L3MBTL4: variants seen among roughly 807,000 people sequenced by gnomAD.
The protein encoded by L3MBTL4 is lethal(3)malignant brain tumor-like protein 4.
Under a neutral mutation model 84.5 loss-of-function variants are expected in L3MBTL4, and 70 were observed. That is an observed-to-expected ratio of 0.83 (90% CI 0.68 to 1.01). L3MBTL4 has a LOEUF of 1.01. L3MBTL4 is among the 50% of genes least tolerant of loss of function. L3MBTL4 has a pLI of 0.00. For missense variants in L3MBTL4, 715 were observed against 754.8 expected, an observed-to-expected ratio of 0.95 and a Z score of 0.62; for synonymous variants, 274 against 259.8, an observed-to-expected ratio of 1.05 and a Z score of -0.52.
chr18:6,000,123 T>C (rs1425073667), intron 16 of L3MBTL4, among the ~76,000 whole-genome samples: 1 of 151,524 alleles, frequency 6.6e-6, no homozygotes, highest in Non-Finnish European at 1.5e-5. Context: ...GAAAAAAAAA[T>C]GATATGGTGT....
At chr18:6,152,207 T>C (rs1321923458) in intron 13 of L3MBTL4, among the ~76,000 whole-genome samples, 1 of 152,208 alleles carries the variant, frequency 6.6e-6, no homozygotes, top group Non-Finnish European at 1.5e-5. Context: ...TACAGGTATC[T>C]CTTAGAGATA....
At chr18:6,031,716 G>A in intron 16 of L3MBTL4, 1 of 985,464 alleles carries the variant, frequency 1.0e-6, no homozygotes, top group Non-Finnish European at 1.2e-6. Context: ...GAATGGCAGA[G>A]GAACAAGAGA....
intron 1 of L3MBTL4, among the ~76,000 whole-genome samples, chr18:6,322,808 A>G (rs149487928): frequency 1.3e-5 from 2 of 152,150 alleles, no homozygotes; most frequent in Non-Finnish European, 2.9e-5. Flanking sequence ...GTTAGAAAGA[A>G]TAAGATCTAG....
At chr18:6,191,461 T>G (rs1048993047) in intron 12 of L3MBTL4, among the ~76,000 whole-genome samples, 1 of 151,854 alleles carries the variant, frequency 6.6e-6, no homozygotes, top group African/African-American at 2.4e-5. Flanking sequence ...ATGGAGGAGG[T>G]AGCAGTGGGA....
chr18:6,411,876 G>C (rs1054242143), intron 1 of L3MBTL4, among the ~76,000 whole-genome samples: 5 of 152,084 alleles, frequency 3.3e-5, no homozygotes, highest in African/African-American at 1.2e-4. Context: ...GATATGTTTA[G>C]TTTTTCACAA....
At chr18:6,191,638 T>C (rs1390437437) in intron 12 of L3MBTL4, among the ~76,000 whole-genome samples, 3 of 152,080 alleles carry the variant, frequency 2.0e-5, no homozygotes, top group South Asian at 4.1e-4. Flanking sequence ...ACAAAGAGAA[T>C]AAATACAGTT....
chr18:6,172,503 T>C (rs532775255), intron 12 of L3MBTL4, among the ~76,000 whole-genome samples: 1 of 152,196 alleles, frequency 6.6e-6, no homozygotes, highest in East Asian at 1.9e-4. Flanking sequence ...ATAGCTGCCA[T>C]AAGAGCTATT....
At chr18:6,089,126 A>C (rs2058354267) in intron 15 of L3MBTL4, among the ~76,000 whole-genome samples, 1 of 152,200 alleles carries the variant, frequency 6.6e-6, no homozygotes, top group African/African-American at 2.4e-5. Flanking sequence ...TGCCTGAAAA[A>C]AAAGTCCCCC....
In L3MBTL4 at chr18:5,956,261, G is replaced by A. The variant is rs760051712; in HGVS notation, c.1804C>T (p.Pro602Ser). 2.5e-6 allele frequency: 4 copies of A among 1,613,906 alleles called. No individual in the cohort carries two copies. The highest frequency in any genetic ancestry group is 4.5e-5 in the East Asian group (2 of 44,892). Reference sequence around the variant, plus strand: ...TGGCCTGAGGCAATATCTTCTTCAGGGAGTTCCTGGGAATGCCTGAACATC... The same window carrying A: ...TGGCCTGAGGCAATATCTTCTTCAGAGAGTTCCTGGGAATGCCTGAACATC... Reference protein sequence around the residue: ...ILMFRHSQELPEEDIASGQEV... With the variant: ...ILMFRHSQELSEEDIASGQEV... The change falls in exon 19 of 19, where the codon CCT (proline) becomes TCT (serine). Residue 602 changes from proline (P) to serine (S), a missense_variant. Coordinates refer to ENST00000317931, the MANE Select transcript of L3MBTL4 (RefSeq NM_001330559.2).
chr18:6,388,634 A>T (rs117068080), intron 1 of L3MBTL4, among the ~76,000 whole-genome samples: 180 of 152,348 alleles, frequency 1.2e-3, no homozygotes, highest in Non-Finnish European at 2.0e-3. Context: ...ACAGAAAGGC[A>T]AGCATACAAT....
At chr18:6,373,311 G>A (rs966914699) in intron 1 of L3MBTL4, among the ~76,000 whole-genome samples, 16 of 152,142 alleles carry the variant, frequency 1.1e-4, no homozygotes, top group African/African-American at 3.9e-4. Flanking sequence ...TTCCCAAAGG[G>A]CAGTCAAAAG....
At chr18:6,210,211 G>A (rs1418625709) in intron 12 of L3MBTL4, among the ~76,000 whole-genome samples, 3 of 152,198 alleles carry the variant, frequency 2.0e-5, no homozygotes, top group Admixed American at 2.0e-4. Context: ...GTGGCAGAAG[G>A]AAATGAAGTT....
Position 6,163,943 on chromosome 18 carries a change from G to T in L3MBTL4, c.1096+7885C>A, listed in dbSNP as rs576642052. Among the ~76,000 whole-genome samples, 8 of 152,288 alleles carry T rather than the reference G, an allele frequency of 5.3e-5. No individual in the cohort carries two copies. The East Asian group carries it at 1.5e-3, about 29-fold the overall frequency. The stretch of plus-strand genomic sequence containing the variant: ...TTCCCTTTCCTAGTCAAAGAAAAGG[G>T]TGACAGATGGCACCTGGAAAATCGG... On this transcript the variant is annotated intron_variant, in intron 13 of 18. Transcript: ENST00000317931.
intron 1 of L3MBTL4, among the ~76,000 whole-genome samples, chr18:6,386,918 G>C (rs1568589105): frequency 6.6e-6 from 1 of 152,128 alleles, no homozygotes; most frequent in Non-Finnish European, 1.5e-5. Flanking sequence ...CCTATGGAAG[G>C]CAAGGGTGGA....
At chr18:6,099,003 C>T (rs943009231) in intron 14 of L3MBTL4, among the ~76,000 whole-genome samples, 3 of 152,072 alleles carry the variant, frequency 2.0e-5, no homozygotes, top group African/African-American at 4.8e-5. Context: ...AGGGGCTCAG[C>T]GATGGAAATG....
In L3MBTL4 at chr18:6,045,458, ATTGGACTTACAG is replaced by A. The variant is rs796708961; in HGVS notation, c.1444+35411_1444+35422del. Reference sequence around the variant, plus strand: ...GGCAATTTACAAAAGAAAGAAGTTTATTGGACTTACAGTTCCACGTGGCTGGGGAGGCCTCAT... The same window carrying A: ...GGCAATTTACAAAAGAAAGAAGTTTATTCCACGTGGCTGGGGAGGCCTCAT... On this transcript the variant is annotated intron_variant, in intron 16 of 18. Coordinates refer to ENST00000317931, the MANE Select transcript of L3MBTL4 (RefSeq NM_001330559.2). Among the ~76,000 whole-genome samples, 218 of 116,326 alleles carry A rather than the reference ATTGGACTTACAG, an allele frequency of 1.9e-3. 2 individuals carry two copies. The highest frequency in any genetic ancestry group is 5.5e-3 in the African/African-American group (206 of 37,430). The allele number at this position is 116,326 out of a possible 152,430, so 76.3% of individuals were successfully genotyped here. A position where few individuals can be genotyped will look rare whatever the true frequency, so the allele number is the denominator to read the frequency against.
chr18:6,038,124 G>A (rs114003072), intron 16 of L3MBTL4, among the ~76,000 whole-genome samples: 2,259 of 152,218 alleles, frequency 0.015, 47 homozygotes, highest in African/African-American at 0.05. Flanking sequence ...CAGGGATACT[G>A]ATTGAATATT....
chr18:6,325,373 T>C (rs1286164945), intron 1 of L3MBTL4, among the ~76,000 whole-genome samples: 1 of 152,160 alleles, frequency 6.6e-6, no homozygotes, highest in East Asian at 1.9e-4. Context: ...TGTTGAGAGA[T>C]GGTATCTTGC....
At chr18:6,101,997 G>A (rs982458022) in intron 14 of L3MBTL4, among the ~76,000 whole-genome samples, 1 of 152,010 alleles carries the variant, frequency 6.6e-6, no homozygotes, top group South Asian at 2.1e-4. Flanking sequence ...CCTAAGCTCT[G>A]GTCACATCAA....
Sources: allele counts gnomAD v4.1 joint callset (sites outside exome capture counted in the v4.1 genomes callset), GRCh38; gene constraint gnomAD v4.1.1; transcripts MANE v1.5; gene names NCBI Gene and HGNC (gene_info 2026-07-23, HGNC 2026-07-21).